Variants in GAS2 observed in about 807,000 individuals in gnomAD.
GAS2 encodes the protein growth arrest-specific protein 2.
A neutral mutation model predicts 37.5 loss-of-function variants in GAS2; 20 were observed. The ratio of observed to expected loss-of-function variants is 0.53; its 90% CI spans 0.37 to 0.77. The LOEUF (loss-of-function observed/expected upper bound fraction) is 0.77. GAS2 is among the 30% of genes least tolerant of loss of function. The pLI is 0.00. For missense variants in GAS2, 336 were observed against 373.4 expected (o/e 0.90, Z 0.82); for synonymous variants, 144 against 132.2 (o/e 1.09, Z -0.61).
At chr11:22,641,312 A>ATTTATATAGC (rs1848626484) in intron 1 of GAS2, among the ~76,000 whole-genome samples, 1 of 64,408 alleles carries the variant, frequency 1.6e-5, no homozygotes, top group Admixed American at 1.6e-4. Context: ...CTTTATATAT[A>ATTTATATAGC]TTTATATATC....
intron 7 of GAS2, among the ~76,000 whole-genome samples, chr11:22,810,113 C>A (rs185887435): frequency 1.3e-5 from 2 of 152,094 alleles, no homozygotes; most frequent in South Asian, 2.1e-4. Flanking sequence ...AAGCTTTATT[C>A]GGGTGCTGCA....
intron 7 of GAS2, among the ~76,000 whole-genome samples, chr11:22,801,796 A>G (rs982392148): frequency 4.6e-5 from 7 of 152,070 alleles, no homozygotes; most frequent in Non-Finnish European, 1.0e-4. Flanking sequence ...CTTAATTTCA[A>G]CAGGGCATAT....
At chr11:22,678,470 T>TA (rs1338733681) in intron 2 of GAS2, among the ~76,000 whole-genome samples, 5 of 152,026 alleles carry the variant, frequency 3.3e-5, no homozygotes, top group African/African-American at 1.2e-4. Flanking sequence ...AGATAAAACG[T>TA]AAAAAACATA....
At chr11:22,652,767 G>A (rs1472327769) in intron 1 of GAS2, among the ~76,000 whole-genome samples, 1 of 152,166 alleles carries the variant, frequency 6.6e-6, no homozygotes, top group Admixed American at 6.5e-5. Flanking sequence ...GCAATGCCTC[G>A]CCCTGCTTCG....
chr11:22,790,780 G>A (rs1564890636), intron 7 of GAS2, among the ~76,000 whole-genome samples: 1 of 151,418 alleles, frequency 6.6e-6, no homozygotes, highest in Non-Finnish European at 1.5e-5. Context: ...TGTTTTCTTA[G>A]CATCCTTTAT....
At chr11:22,671,474 A>C (rs1565075682) in intron 1 of GAS2, among the ~76,000 whole-genome samples, 1 of 152,136 alleles carries the variant, frequency 6.6e-6, no homozygotes, top group Non-Finnish European at 1.5e-5. Flanking sequence ...TATTGGAAAC[A>C]TCATTCAGTG....
intron 1 of GAS2, among the ~76,000 whole-genome samples, chr11:22,633,373 G>C (rs1330468980): frequency 6.6e-6 from 1 of 152,186 alleles, no homozygotes; most frequent in Non-Finnish European, 1.5e-5. Context: ...GGCCTTCTCA[G>C]ATGCTGGTTA....
rs1258782045 is a variant in GAS2 at position 22,696,721 on chromosome 11, T to C, written c.267+10932T>C. Among the ~76,000 whole-genome samples, 8 of 151,832 alleles carry C rather than the reference T, an allele frequency of 5.3e-5. No individual in the cohort carries two copies. In the South Asian group the frequency reaches 6.3e-4, roughly 12 times the overall value. ...ATGATGAGCATTTTTTCATGTGTTT[T>C]TTGGCTGCATAAATGTCTTCTTTTG... is the stretch of plus-strand genomic sequence containing the variant. On this transcript the variant is annotated intron_variant, in intron 3 of 7. Transcript: ENST00000454584.
At chr11:22,626,516 A>G (rs1858656275) in intron 1 of GAS2, 1 of 153,218 alleles carries the variant, frequency 6.5e-6, no homozygotes, top group Admixed American at 6.5e-5. Context: ...AGGAAATGGC[A>G]TTTAAGAGCA....
chr11:22,668,418 C>G (rs1849072272), intron 1 of GAS2: 1 of 152,162 alleles, frequency 6.6e-6, no homozygotes, highest in Admixed American at 6.6e-5. Context: ...CCTGAATGGT[C>G]CCTTACATGG....
At chr11:22,679,227 A>C (rs1327409442) in intron 2 of GAS2, among the ~76,000 whole-genome samples, 2 of 152,132 alleles carry the variant, frequency 1.3e-5, no homozygotes, top group African/African-American at 2.4e-5. Context: ...ACATTCAAAA[A>C]AGACAGCAAA....
chr11:22,643,773 A>T (rs1848656545), intron 1 of GAS2, among the ~76,000 whole-genome samples: 1 of 151,974 alleles, frequency 6.6e-6, no homozygotes, highest in East Asian at 1.9e-4. Flanking sequence ...GAAGAGTTCT[A>T]TAATAATGTC....
At chr11:22,690,623 G>A (rs1179923125) in intron 3 of GAS2, among the ~76,000 whole-genome samples, 1 of 151,944 alleles carries the variant, frequency 6.6e-6, no homozygotes, top group African/African-American at 2.4e-5. Context: ...TAATATTTCT[G>A]GAGTTGAGGA....
intron 7 of GAS2, among the ~76,000 whole-genome samples, chr11:22,801,978 G>A (rs1564895417): frequency 6.6e-6 from 1 of 151,802 alleles, no homozygotes; most frequent in Non-Finnish European, 1.5e-5. Context: ...ATTAAGAATG[G>A]GAGTGTTTCT....
intron 7 of GAS2, among the ~76,000 whole-genome samples, chr11:22,766,180 T>C (rs1401336711): frequency 1.3e-5 from 2 of 152,006 alleles, no homozygotes; most frequent in African/African-American, 4.8e-5. Context: ...CTGTATCATA[T>C]ACTATTTAAT....
At chr11:22,697,041 T>C (rs1242242903) in intron 3 of GAS2, among the ~76,000 whole-genome samples, 2 of 152,014 alleles carry the variant, frequency 1.3e-5, no homozygotes, top group Non-Finnish European at 2.9e-5. Flanking sequence ...TGAATGGTAA[T>C]GCCTAGGTTT....
At chr11:22,631,575 T>A (rs949367168) in intron 1 of GAS2, among the ~76,000 whole-genome samples, 2 of 152,212 alleles carry the variant, frequency 1.3e-5, no homozygotes, top group Non-Finnish European at 2.9e-5. Flanking sequence ...TCTATTGAGA[T>A]AATCATATGG....
At chr11:22,756,065 A>T in intron 7 of GAS2, 112 bp downstream of exon 7, 1 of 682,308 alleles carries the variant, frequency 1.5e-6, no homozygotes. Context: ...ACGTTTAAAG[A>T]TACATGGTAT....
chr11:22,658,880 A>C (rs924748429), intron 1 of GAS2, among the ~76,000 whole-genome samples: 1 of 152,228 alleles, frequency 6.6e-6, no homozygotes, highest in Non-Finnish European at 1.5e-5. Flanking sequence ...CATAAATCTG[A>C]ATGTTGAAAT....
Sources: allele counts gnomAD v4.1 joint callset (sites outside exome capture counted in the v4.1 genomes callset), GRCh38; gene constraint gnomAD v4.1.1; transcripts MANE v1.5; gene names NCBI Gene and HGNC (gene_info 2026-07-23, HGNC 2026-07-21).